Variants in CDH13 observed in about 807,000 individuals in gnomAD.
CDH13 encodes cadherin 13, also known as cadherin-13.
In CDH13, 24 loss-of-function variants were observed where a neutral mutation model predicts 63.8. That is an observed-to-expected ratio of 0.38 (90% CI 0.27 to 0.53). CDH13 has a LOEUF of 0.53. CDH13 is among the 20% of genes least tolerant of loss of function. CDH13 has a pLI of 0.85. For synonymous variants in CDH13, 503 were observed against 355.3 expected (o/e 1.42, Z -4.67); for missense variants, 1,049 against 903.1 (o/e 1.16, Z -2.07).
At chr16:83,026,367 G>A (rs1189793481) in intron 2 of CDH13, among the ~76,000 whole-genome samples, 1 of 152,176 alleles carries the variant, frequency 6.6e-6, no homozygotes, top group East Asian at 1.9e-4. Flanking sequence ...CCACGAGCTA[G>A]TCAGTCAATC....
chr16:83,614,938 A>G (rs1326218310), intron 8 of CDH13, among the ~76,000 whole-genome samples: 1 of 152,188 alleles, frequency 6.6e-6, no homozygotes, highest in Non-Finnish European at 1.5e-5. Context: ...GATGATATCG[A>G]TAAGCAAGAA....
chr16:83,607,230 C>T (rs915530194), intron 8 of CDH13, among the ~76,000 whole-genome samples: 6 of 152,002 alleles, frequency 3.9e-5, no homozygotes, highest in Non-Finnish European at 7.4e-5. Flanking sequence ...CCAACCTGAC[C>T]AATATGGTGA....
chr16:82,837,779 C>T (rs1275557880), intron 1 of CDH13, among the ~76,000 whole-genome samples: 1 of 152,204 alleles, frequency 6.6e-6, no homozygotes, highest in Non-Finnish European at 1.5e-5. Flanking sequence ...AGCAACATTC[C>T]TGACTCCCGG....
At chr16:82,857,305 A>G (rs2039741781) in intron 1 of CDH13, among the ~76,000 whole-genome samples, 2 of 152,244 alleles carry the variant, frequency 1.3e-5, no homozygotes, top group South Asian at 2.1e-4. Flanking sequence ...AGTTTAGCAC[A>G]TTAATGGCCA....
chr16:83,550,219 C>A (rs978152712), intron 7 of CDH13, among the ~76,000 whole-genome samples: 1 of 152,208 alleles, frequency 6.6e-6, no homozygotes, highest in Non-Finnish European at 1.5e-5. Flanking sequence ...GAGGGACAAA[C>A]AAAACACCTG....
intron 1 of CDH13, among the ~76,000 whole-genome samples, chr16:82,839,079 T>C (rs888281062): frequency 2.0e-5 from 3 of 152,226 alleles, no homozygotes; most frequent in African/African-American, 7.2e-5. Context: ...GACAATAGGC[T>C]AAGATGTGGC....
At chr16:82,984,419 A>T (rs1429742260) in intron 2 of CDH13, among the ~76,000 whole-genome samples, 2 of 152,216 alleles carry the variant, frequency 1.3e-5, no homozygotes, top group Non-Finnish European at 2.9e-5. Flanking sequence ...TGACTCTGCT[A>T]CTTATCATCT....
intron 5 of CDH13, among the ~76,000 whole-genome samples, chr16:83,241,529 C>T (rs1391303997): frequency 6.6e-6 from 1 of 152,138 alleles, no homozygotes. Flanking sequence ...ATTTTAATGG[C>T]TTTGTGCAGT....
intron 2 of CDH13, among the ~76,000 whole-genome samples, chr16:82,917,462 C>T (rs932543955): frequency 5.9e-5 from 9 of 152,050 alleles, no homozygotes; most frequent in Non-Finnish European, 2.9e-5. Flanking sequence ...ACTGTGAAAA[C>T]CTGAAAGATA....
chr16:82,888,682 T>C (rs2040976545), intron 2 of CDH13, among the ~76,000 whole-genome samples: 1 of 152,228 alleles, frequency 6.6e-6, no homozygotes, highest in Non-Finnish European at 1.5e-5. Flanking sequence ...AACTCAAGTT[T>C]CTTCTGTTCC....
At chr16:82,863,487 C>T (rs1275902632) in intron 2 of CDH13, among the ~76,000 whole-genome samples, 2 of 152,170 alleles carry the variant, frequency 1.3e-5, no homozygotes, top group African/African-American at 2.4e-5. Flanking sequence ...TGCACACAGT[C>T]ATCTATTAGC....
At chr16:83,252,852 G>C (rs79819065) in intron 5 of CDH13, among the ~76,000 whole-genome samples, 3 of 152,054 alleles carry the variant, frequency 2.0e-5, no homozygotes, top group African/African-American at 7.2e-5. Flanking sequence ...AAGAATAAGC[G>C]TACAGAGTTA....
chr16:83,379,390 G>C (rs552788985), intron 6 of CDH13, among the ~76,000 whole-genome samples: 17 of 152,276 alleles, frequency 1.1e-4, no homozygotes, highest in African/African-American at 4.1e-4. Context: ...TGGATGGATG[G>C]GTGGAGAGAC....
chr16:83,576,167 T>G (rs1228251300), intron 7 of CDH13, among the ~76,000 whole-genome samples: 1 of 152,166 alleles, frequency 6.6e-6, no homozygotes, highest in Non-Finnish European at 1.5e-5. Context: ...CACTTCTTCC[T>G]CCCTGACCCC....
intron 2 of CDH13, among the ~76,000 whole-genome samples, chr16:82,951,188 A>G (rs1272490230): frequency 6.6e-6 from 1 of 152,086 alleles, no homozygotes; most frequent in Non-Finnish European, 1.5e-5. Context: ...GTCCTCTACA[A>G]AAGTCAGTGG....
chr16:82,750,349 C>T (rs544224533), intron 1 of CDH13, among the ~76,000 whole-genome samples: 1 of 152,334 alleles, frequency 6.6e-6, no homozygotes, highest in East Asian at 1.9e-4. Flanking sequence ...AAGTCAACCT[C>T]AGAGCACTAA....
chr16:82,904,522 G>A (rs934609708), intron 2 of CDH13, among the ~76,000 whole-genome samples: 2 of 152,190 alleles, frequency 1.3e-5, no homozygotes, highest in African/African-American at 4.8e-5. Context: ...TGGGGCGAAA[G>A]TAATTTCTGT....
At chr16:83,340,305 A>ACT (rs1555532368) in intron 5 of CDH13, among the ~76,000 whole-genome samples, 1 of 150,282 alleles carries the variant, frequency 6.7e-6, no homozygotes, top group Non-Finnish European at 1.5e-5. Flanking sequence ...CCTACATCTG[A>ACT]GTGTGTGTGT....
intron 4 of CDH13, among the ~76,000 whole-genome samples, chr16:83,130,895 G>C (rs528691844): frequency 1.3e-5 from 2 of 152,318 alleles, no homozygotes; most frequent in South Asian, 4.1e-4. Flanking sequence ...GCAAGGTGCT[G>C]TGGCAAGTTA....
Sources: allele counts gnomAD v4.1 joint callset (sites outside exome capture counted in the v4.1 genomes callset), GRCh38; gene constraint gnomAD v4.1.1; transcripts MANE v1.5; gene names NCBI Gene and HGNC (gene_info 2026-07-23, HGNC 2026-07-21).